DKK2: variants seen among roughly 807,000 people sequenced by gnomAD.
DKK2 encodes the protein dickkopf Wnt signaling pathway inhibitor 2.
In DKK2, 11 loss-of-function variants were observed where a neutral mutation model predicts 28.1. The observed-to-expected ratio is 0.39, with a 90% CI of 0.25 to 0.65. The LOEUF (loss-of-function observed/expected upper bound fraction) is 0.65, where lower values mean the gene tolerates loss of function less well. Ranked by LOEUF, DKK2 falls within the 30% of genes least tolerant of loss-of-function variation. The probability of loss-of-function intolerance (pLI) is 0.47; values close to 1 mark genes in which losing one functional copy is unlikely to be tolerated. For missense variants in DKK2, 326 were observed against 335.5 expected (o/e 0.97, Z 0.22); for synonymous variants, 135 against 126.5 (o/e 1.07, Z -0.45).
chr4:107,026,738 C>G (rs1357780561), intron 1 of DKK2, among the ~76,000 whole-genome samples: 1 of 151,894 alleles, frequency 6.6e-6, no homozygotes, highest in African/African-American at 2.4e-5. Flanking sequence ...GATTTTGTTG[C>G]CCGACTCCAG....
intron 1 of DKK2, among the ~76,000 whole-genome samples, chr4:106,929,070 T>C (rs934134043): frequency 6.6e-6 from 1 of 152,194 alleles, no homozygotes; most frequent in African/African-American, 2.4e-5. Context: ...ATTTTCCATT[T>C]ACTTTGACCT....
intron 1 of DKK2, among the ~76,000 whole-genome samples, chr4:106,994,807 G>A (rs1723249168): frequency 6.6e-6 from 1 of 152,200 alleles, no homozygotes; most frequent in South Asian, 2.1e-4. Flanking sequence ...TCCATGGAAT[G>A]CCCTCAGCAC....
chr4:107,006,244 T>G (rs1345999528), intron 1 of DKK2, among the ~76,000 whole-genome samples: 2 of 152,154 alleles, frequency 1.3e-5, no homozygotes, highest in Non-Finnish European at 2.9e-5. Flanking sequence ...AGCAAACCAT[T>G]TTCATGTGTT....
At chr4:106,973,220 T>C (rs1159169246) in intron 1 of DKK2, among the ~76,000 whole-genome samples, 1 of 152,070 alleles carries the variant, frequency 6.6e-6, no homozygotes, top group Non-Finnish European at 1.5e-5. Flanking sequence ...TCTTTATAGT[T>C]GAATGATTTA....
chr4:106,960,802 T>G (rs1722674880), intron 1 of DKK2, among the ~76,000 whole-genome samples: 1 of 152,178 alleles, frequency 6.6e-6, no homozygotes, highest in South Asian at 2.1e-4. Flanking sequence ...AATTCTCTTT[T>G]TCTACCAAGC....
At chr4:106,996,033 G>A (rs1294792310) in intron 1 of DKK2, among the ~76,000 whole-genome samples, 1 of 152,160 alleles carries the variant, frequency 6.6e-6, no homozygotes, top group Non-Finnish European at 1.5e-5. Flanking sequence ...CTGTGATACT[G>A]AGAGATCATA....
intron 1 of DKK2, among the ~76,000 whole-genome samples, chr4:106,941,703 A>G (rs573366850): frequency 6.6e-6 from 1 of 152,184 alleles, no homozygotes; most frequent in African/African-American, 2.4e-5. Context: ...GTTTCAGCAT[A>G]ATGATAGGGT....
chr4:106,933,948 A>C (rs191842153), intron 1 of DKK2, among the ~76,000 whole-genome samples: 1 of 151,518 alleles, frequency 6.6e-6, no homozygotes, highest in East Asian at 1.9e-4. Flanking sequence ...TGAGGACGTA[A>C]GTTTCCTGTA....
intron 1 of DKK2, among the ~76,000 whole-genome samples, chr4:106,971,183 T>C (rs1326286620): frequency 6.6e-6 from 1 of 152,104 alleles, no homozygotes; most frequent in African/African-American, 2.4e-5. Context: ...TTTGGAGATA[T>C]ACAGGATCCA....
intron 1 of DKK2, among the ~76,000 whole-genome samples, chr4:106,946,802 C>T (rs183996199): frequency 2.2e-4 from 33 of 152,028 alleles, no homozygotes; most frequent in African/African-American, 7.7e-4. Context: ...CAAAATCCAC[C>T]GTGCAAAGGT....
intron 1 of DKK2, among the ~76,000 whole-genome samples, chr4:107,019,554 CT>C (rs959591464): frequency 2.0e-5 from 3 of 152,020 alleles, no homozygotes; most frequent in African/African-American, 7.2e-5. Context: ...GAATGTATTT[CT>C]CAAATATCTA....
At chr4:106,973,553 A>G (rs552181147) in intron 1 of DKK2, among the ~76,000 whole-genome samples, 1 of 152,294 alleles carries the variant, frequency 6.6e-6, no homozygotes, top group Non-Finnish European at 1.5e-5. Context: ...GTGTCTCTTC[A>G]TAACCTTCAC....
intron 1 of DKK2, among the ~76,000 whole-genome samples, chr4:106,958,779 G>A (rs1427467180): frequency 6.7e-6 from 1 of 149,908 alleles, no homozygotes; most frequent in South Asian, 2.1e-4. Context: ...AGAGGTTGCA[G>A]TGAGCCAAGA....
At position 107,001,057 on chromosome 4, in the gene DKK2, G is replaced by A. The variant is rs542130422; in HGVS notation, c.222+34313C>T. On this transcript the variant is annotated intron_variant, in intron 1 of 3. Coordinates refer to ENST00000285311, the MANE Select transcript of DKK2 (RefSeq NM_014421.3). ...GGATAGGGCTCCTCTCTCTTCTGAC[G>A]AAAAAAAAAACAAAAACAAAAACCA... Among the ~76,000 whole-genome samples, 233 of 136,970 alleles carry A rather than the reference G, an allele frequency of 1.7e-3. 1 individual carries two copies. The highest frequency in any genetic ancestry group is 0.011 in the Middle Eastern group (3 of 266). 89.9% of individuals were successfully genotyped at this position (136,970 alleles called of 152,430 possible).
intron 1 of DKK2, among the ~76,000 whole-genome samples, chr4:106,937,826 G>C (rs188776784): frequency 1.1e-4 from 17 of 151,774 alleles, no homozygotes; most frequent in African/African-American, 2.2e-4. Context: ...CTCAAAACCG[G>C]TCAACTACAT....
chr4:106,937,266 AG>A (rs1417311984), intron 1 of DKK2, among the ~76,000 whole-genome samples: 1 of 140,834 alleles, frequency 7.1e-6, no homozygotes, highest in Non-Finnish European at 1.5e-5. Flanking sequence ...AAAAGGATGG[AG>A]GAAGATCTAC....
At chr4:106,951,539 C>A (rs1329984830) in intron 1 of DKK2, among the ~76,000 whole-genome samples, 2 of 152,082 alleles carry the variant, frequency 1.3e-5, no homozygotes, top group African/African-American at 4.8e-5. Flanking sequence ...TGCAGTGGAA[C>A]TGGAAGCCTT....
intron 1 of DKK2, among the ~76,000 whole-genome samples, chr4:107,027,728 G>C (rs1723806661): frequency 6.6e-6 from 1 of 150,810 alleles, no homozygotes; most frequent in South Asian, 2.1e-4. Flanking sequence ...AACTAATATT[G>C]ACTTGCTTAT....
At chr4:106,958,519 G>T (rs776126125) in intron 1 of DKK2, among the ~76,000 whole-genome samples, 14 of 151,966 alleles carry the variant, frequency 9.2e-5, no homozygotes, top group Non-Finnish European at 1.9e-4. Flanking sequence ...CAGTATTTTT[G>T]AAGGATATAG....
Sources: allele counts gnomAD v4.1 joint callset (sites outside exome capture counted in the v4.1 genomes callset), GRCh38; gene constraint gnomAD v4.1.1; transcripts MANE v1.5; gene names NCBI Gene and HGNC (gene_info 2026-07-23, HGNC 2026-07-21).